DMRTA1: variants seen among roughly 807,000 people sequenced by gnomAD.
DMRTA1 encodes the protein doublesex- and mab-3-related transcription factor A1.
A neutral mutation model predicts 35.2 loss-of-function variants in DMRTA1; 34 were observed. The ratio of observed to expected loss-of-function variants is 0.97; its 90% confidence interval spans 0.74 to 1.29. DMRTA1 has a LOEUF of 1.29. Among genes scored for constraint, DMRTA1 ranks in the 50% most tolerant of loss-of-function variants. The pLI, the probability that DMRTA1 is intolerant of heterozygous loss-of-function variation, is 0.00. For missense variants in DMRTA1, 824 were observed against 644.6 expected, an observed-to-expected ratio of 1.28 and a Z score of -3.01; for synonymous variants, 344 against 276.6, an observed-to-expected ratio of 1.24 and a Z score of -2.42.
chr9:22,451,878 A>G lies in DMRTA1; in HGVS notation c.1482A>G (p.Arg494=). 6.2e-7 allele frequency: 1 copy of G among 1,613,964 alleles called. No individual in the cohort carries two copies. The highest frequency in any genetic ancestry group is 8.5e-7 in the Non-Finnish European group (1 of 1,179,874). Residue 494 remains arginine, a synonymous_variant, in exon 2 of 2, where the codon AGA becomes AGG. Coordinates refer to ENST00000325870, the MANE Select transcript of DMRTA1 (RefSeq NM_022160.3). ...LSSKDSITCG[R]LYFRPNQDNP ...GTAAAGACTCAATAACTTGTGGCAG[A>G]CTGTACTTCAGACCAAATCAGGACA...
chr9:22,446,884 G>T lies in DMRTA1; in HGVS notation c.-182G>T. 1.4e-6 allele frequency: 1 copy of T among 719,916 alleles called. No individual in the cohort carries two copies. The highest frequency in any genetic ancestry group is 3.2e-5 in the Admixed American group (1 of 31,192). 44.6% of individuals were successfully genotyped at this position (719,916 alleles called of 1,614,324 possible). A position where few individuals can be genotyped will look rare whatever the true frequency, so the allele number is the denominator to read the frequency against. ...ACAGCTGCACCTCTCAGCGTCTCCA[G>T]CTCCAGGACGCGGTCGTCCCAACTC... On this transcript the variant is annotated 5_prime_UTR_variant, in exon 1 of 2. Transcript: ENST00000325870.
intron 1 of DMRTA1, among the ~76,000 whole-genome samples, chr9:22,448,626 C>G (rs1208700529): frequency 6.7e-6 from 1 of 150,034 alleles, no homozygotes; most frequent in Non-Finnish European, 1.5e-5. Context: ...AAGTCAAAAA[C>G]TTATACAAAA....
Position 22,451,102 on chromosome 9 carries a change from CAAG to C in DMRTA1, c.712_714del (p.Glu238del), listed in dbSNP as rs765451375. On this transcript the variant is annotated inframe_deletion, in exon 2 of 2. Transcript: ENST00000325870. ...TAAATGTGAGTCATGCCAGAATGGA[CAAG>C]AAGAACTGATCTCCAAATCCCATCA... 3.7e-6 allele frequency: 6 copies of C among 1,613,616 alleles called. No homozygotes were observed. Among genetic ancestry groups the C allele is most frequent in the South Asian group, 2.2e-5 (2 of 91,054 alleles).
rs1170449638 is a variant in DMRTA1 at position 22,454,654 on chromosome 9, G to A, written c.*2743G>A. ...TGAACTCCTAAGCCACTAATTAGTGGTGGGAAGAAAGAGGGGGTAAATGCT... is the reference window on the plus strand; with the variant it reads ...TGAACTCCTAAGCCACTAATTAGTGATGGGAAGAAAGAGGGGGTAAATGCT... On this transcript the variant is annotated 3_prime_UTR_variant, in exon 2 of 2. Coordinates refer to ENST00000325870, the MANE Select transcript of DMRTA1 (RefSeq NM_022160.3). 1 of 152,170 alleles carries A rather than the reference G, an allele frequency of 6.6e-6. No homozygotes were observed. Among genetic ancestry groups the A allele is most frequent in the East Asian group, 1.9e-4 (1 of 5,196 alleles). The allele number at this position is 152,170 out of a possible 1,614,324, so 9.4% of individuals were successfully genotyped here. A position where few individuals can be genotyped will look rare whatever the true frequency, so the allele number is the denominator to read the frequency against.
chr9:22,446,968 C>G lies in DMRTA1; in HGVS notation c.-98C>G, dbSNP rs1818837937. ...GTGCGCGGGTGGAGCTCAGTAGGAC[C>G]ACGGCGCGTCCTGCCCCGGCTTCCC... is the stretch of plus-strand genomic sequence containing the variant. On this transcript the variant is annotated 5_prime_UTR_variant, in exon 1 of 2. Transcript: ENST00000325870. 10 of 1,470,280 alleles carry G rather than the reference C, an allele frequency of 6.8e-6. No homozygotes were observed. Among genetic ancestry groups the G allele is most frequent in the Non-Finnish European group, 9.2e-6 (10 of 1,091,030 alleles). 91.1% of individuals were successfully genotyped at this position (1,470,280 alleles called of 1,614,324 possible).
rs771728375 is a variant in DMRTA1 at position 22,451,940 on chromosome 9, T to C, written c.*29T>C. 14 of 1,609,246 alleles carry C rather than the reference T, an allele frequency of 8.7e-6. No individual in the cohort carries two copies. Among genetic ancestry groups the C allele is most frequent in the African/African-American group, 5.4e-5 (4 of 74,736 alleles). On this transcript the variant is annotated 3_prime_UTR_variant, in exon 2 of 2. Transcript: ENST00000325870. ...ATATGCCCATTCTCTCTTTCTGGAGTTTTTCCAGCATACAATACATGCACG... is the reference window on the plus strand; with the variant it reads ...ATATGCCCATTCTCTCTTTCTGGAGCTTTTCCAGCATACAATACATGCACG...
At position 22,451,053 on chromosome 9, in the gene DMRTA1, C is replaced by G. The variant is rs541190708; in HGVS notation, c.668-11C>G. The G allele has an allele frequency of 3.6e-5, 58 of 1,596,348 alleles. No individual in the cohort carries two copies. The highest frequency in any genetic ancestry group is 4.9e-5 in the Non-Finnish European group (57 of 1,172,686). On this transcript the variant is annotated splice_polypyrimidine_tract_variant and intron_variant, in intron 1 of 1. Transcript: ENST00000325870. ...CCCTGTATTTGATTTTTTTTTCCCC[C>G]TCTTCTCCAGAACAAAAAGAGAGTA... is the stretch of plus-strand genomic sequence containing the variant.
At position 22,453,331 on chromosome 9, in the gene DMRTA1, C is replaced by A. The variant is rs929613175; in HGVS notation, c.*1420C>A. On this transcript the variant is annotated 3_prime_UTR_variant, in exon 2 of 2. Coordinates refer to ENST00000325870, the MANE Select transcript of DMRTA1 (RefSeq NM_022160.3). ...TAAGTCTATGTAGACATACATTAAA[C>A]CCCTATAGGTTATATTATCATGGAG... 1.4e-4 allele frequency: 21 copies of A among 152,010 alleles called. No individual in the cohort carries two copies. Among genetic ancestry groups the A allele is most frequent in the Non-Finnish European group, 2.4e-4 (16 of 67,924 alleles). 9.4% of individuals were successfully genotyped at this position (152,010 alleles called of 1,614,324 possible). A position where few individuals can be genotyped will look rare whatever the true frequency, so the allele number is the denominator to read the frequency against.
rs1223773648 is a variant in DMRTA1, at chr9:22,451,700, G to A, written c.1304G>A (p.Ser435Asn). ...LYGVNPRVGI[S>N]PLRLAYSSAG... The stretch of plus-strand genomic sequence containing the variant: ...GGCGTAAATCCTAGAGTAGGTATCA[G>A]TCCATTAAGGCTGGCATATTCTTCT... Residue 435 changes from serine (S) to asparagine (N), a missense_variant, in exon 2 of 2, where the codon AGT becomes AAT. Coordinates refer to ENST00000325870, the MANE Select transcript of DMRTA1 (RefSeq NM_022160.3). The A allele has an allele frequency of 6.2e-7, 1 of 1,614,002 alleles. No homozygotes were observed. Among genetic ancestry groups the A allele is most frequent in the African/African-American group, 1.3e-5 (1 of 74,932 alleles).
At position 22,450,288 on chromosome 9, in the gene DMRTA1, G is replaced by C. The variant is rs10965355; in HGVS notation, c.668-776G>C. 3.2e-3 allele frequency among the ~76,000 whole-genome samples: 486 copies of C among 151,752 alleles called. 17 individuals are homozygous for C. The East Asian group carries it at 0.081, about 25-fold the overall frequency. The stretch of plus-strand genomic sequence containing the variant: ...GATTTGTGTAGATTGCAATAGGACA[G>C]TTTATAATTTTCTTTTACAAACAAT... On this transcript the variant is annotated intron_variant, in intron 1 of 1. Transcript: ENST00000325870.
chr9:22,447,059 C>A lies in DMRTA1; in HGVS notation c.-7C>A, dbSNP rs762421678. ...ACTTGGGACTCCCGGCCAGAAATTT[C>A]TCGGGAATGGAGCGGTCACAGTGTG... On this transcript the variant is annotated 5_prime_UTR_variant, in exon 1 of 2. Transcript: ENST00000325870. 6.2e-7 allele frequency: 1 copy of A among 1,606,608 alleles called. No homozygotes were observed. Among genetic ancestry groups the A allele is most frequent in the Non-Finnish European group, 8.5e-7 (1 of 1,177,266 alleles).
At position 22,447,515 on chromosome 9, in the gene DMRTA1, G is replaced by A; in HGVS notation, c.450G>A (p.Glu150=). 2 of 1,572,240 alleles carry A rather than the reference G, an allele frequency of 1.3e-6. No homozygotes were observed. The highest frequency in any genetic ancestry group is 2.3e-5 in the South Asian group (2 of 87,386). Residue 150 remains glutamate, a synonymous_variant, in exon 1 of 2, where the codon GAG becomes GAA. Transcript: ENST00000325870. ...TGCGCAGGCAGCAGGCGCAGGAGGA[G>A]AGCGAAGCCCGGGGGCTACAGAGGC... ...VALRRQQAQE[E]SEARGLQRLL...
Position 22,451,308 on chromosome 9 carries a change from T to C in DMRTA1, c.912T>C (p.Asn304=). 1.2e-6 allele frequency: 2 copies of C among 1,614,026 alleles called. No individual in the cohort carries two copies. The highest frequency in any genetic ancestry group is 1.7e-6 in the Non-Finnish European group (2 of 1,179,958). ...CATCCTCTGATCTGGAATCAGGAAA[T>C]GAAAGTGAATGGGTCAAAGACTTGA... ...SLSSSDLESG[N]ESEWVKDLTA... Residue 304 remains asparagine, a synonymous_variant, in exon 2 of 2, where the codon AAT becomes AAC. Coordinates refer to ENST00000325870, the MANE Select transcript of DMRTA1 (RefSeq NM_022160.3).
Position 22,451,757 on chromosome 9 carries a change from C to T in DMRTA1, c.1361C>T (p.Pro454Leu), listed in dbSNP as rs1306683530. The T allele has an allele frequency of 1.2e-6, 2 of 1,614,042 alleles. No homozygotes were observed. The highest frequency in any genetic ancestry group is 8.5e-7 in the Non-Finnish European group (1 of 1,179,918). Reference sequence around the variant, plus strand: ...AGAGGGTTATCTGGTTTTATGTCACCCTACCTAACACCTGGGTTAGTACCA... The same window carrying T: ...AGAGGGTTATCTGGTTTTATGTCACTCTACCTAACACCTGGGTTAGTACCA... Reference protein sequence around the residue: ...AGRGLSGFMSPYLTPGLVPTL... With the variant: ...AGRGLSGFMSLYLTPGLVPTL... The change falls in exon 2 of 2, where the codon CCC (proline) becomes CTC (leucine). Residue 454 changes from proline to leucine, a missense_variant. By Grantham distance (98) the Pro-to-Leu change is moderately conservative. Transcript: ENST00000325870.
Position 22,451,192 on chromosome 9 carries a change from T to TCTATTTCAGAATACTCCAACAAGTA in DMRTA1, c.819_820insTACTATTTCAGAATACTCCAACAAG (p.Pro274TyrfsTer10). On this transcript the variant is annotated frameshift_variant, in exon 2 of 2. Coordinates refer to ENST00000325870, the MANE Select transcript of DMRTA1 (RefSeq NM_022160.3). LOFTEE classifies it high-confidence loss of function. ...CATTGGGAAACAAAGTATCGGGTCA[T>TCTATTTCAGAATACTCCAACAAGTA]CTATTTCAGAATACTCCAACAAGCC... is the stretch of plus-strand genomic sequence containing the variant. The TCTATTTCAGAATACTCCAACAAGTA allele has an allele frequency of 6.2e-7, 1 of 1,614,138 alleles. No individual in the cohort carries two copies. The highest frequency in any genetic ancestry group is 8.5e-7 in the Non-Finnish European group (1 of 1,179,978).
rs1473894518 is a variant in DMRTA1, at chr9:22,451,943, T to G, written c.*32T>G. The G allele has an allele frequency of 6.2e-7, 1 of 1,609,198 alleles. No homozygotes were observed. The highest frequency in any genetic ancestry group is 8.5e-7 in the Non-Finnish European group (1 of 1,177,340). ...TGCCCATTCTCTCTTTCTGGAGTTT[T>G]TCCAGCATACAATACATGCACGTGC... On this transcript the variant is annotated 3_prime_UTR_variant, in exon 2 of 2. Coordinates refer to ENST00000325870, the MANE Select transcript of DMRTA1 (RefSeq NM_022160.3).
Position 22,447,610 on chromosome 9 carries a change from C to T in DMRTA1, c.545C>T (p.Pro182Leu). The T allele has an allele frequency of 6.2e-7, 1 of 1,608,198 alleles. No homozygotes were observed. Among genetic ancestry groups the T allele is most frequent in the Middle Eastern group, 1.8e-4 (1 of 5,656 alleles). The part of the protein sequence containing the change: ...ASGGGGRAEN[P>L]QSTGGPAAGA... ...GGGGGCGGCGGCAGAGCCGAGAATC[C>T]ACAGTCCACGGGCGGCCCTGCGGCG... The change falls in exon 1 of 2, where the codon CCA becomes CTA. Residue 182 changes from proline to leucine, a missense_variant. Pro to Leu is a moderately conservative substitution (Grantham distance 98, BLOSUM62 -3). Coordinates refer to ENST00000325870, the MANE Select transcript of DMRTA1 (RefSeq NM_022160.3).
At position 22,452,096 on chromosome 9, in the gene DMRTA1, G is replaced by T; in HGVS notation, c.*185G>T. On this transcript the variant is annotated 3_prime_UTR_variant, in exon 2 of 2. Coordinates refer to ENST00000325870, the MANE Select transcript of DMRTA1 (RefSeq NM_022160.3). ...TCTTAGATCTGAAAACTCTTCATTA[G>T]GATTTATCAAGTGAAAGAAGTAAAT... The T allele has an allele frequency of 5.8e-6, 3 of 517,370 alleles. No homozygotes were observed. Among genetic ancestry groups the T allele is most frequent in the Non-Finnish European group, 6.3e-6 (2 of 319,112 alleles). The allele number at this position is 517,370 out of a possible 1,614,324, so 32.0% of individuals were successfully genotyped here. A position where few individuals can be genotyped will look rare whatever the true frequency, so the allele number is the denominator to read the frequency against.
In DMRTA1 at chr9:22,451,550, C is replaced by T. The variant is rs375053235; in HGVS notation, c.1154C>T (p.Thr385Ile). Residue 385 changes from threonine (T) to isoleucine (I), a missense_variant, in exon 2 of 2, where the codon ACA becomes ATA. Thr to Ile is a moderately conservative substitution (Grantham distance 89). Transcript: ENST00000325870. ...GCAAACTCAGAAGAACTGGAAAACACAGCCTTTCAGAGAGCTTCAAGTTTT... is the reference window on the plus strand; with the variant it reads ...GCAAACTCAGAAGAACTGGAAAACATAGCCTTTCAGAGAGCTTCAAGTTTT... ...NLANSEELENTAFQRASSFSL... is the reference protein window; with the variant it reads ...NLANSEELENIAFQRASSFSL... The T allele has an allele frequency of 3.1e-6, 5 of 1,614,038 alleles. No homozygotes were observed. Among genetic ancestry groups the T allele is most frequent in the Non-Finnish European group, 4.2e-6 (5 of 1,179,974 alleles).
Sources: gnomAD v4.1 joint callset for allele counts (sites outside exome capture counted in the v4.1 genomes callset) on GRCh38, gnomAD v4.1.1 for gene constraint, MANE v1.5 for transcripts, NCBI Gene and HGNC (gene_info 2026-07-23, HGNC 2026-07-21) for gene names.